The following PTK2 variants were observed in gnomAD, a reference collection of about 807,000 sequenced individuals.
PTK2 encodes the protein focal adhesion kinase 1.
In PTK2, 45 loss-of-function variants were observed where a neutral mutation model predicts 150.1. The observed-to-expected ratio is 0.30, with a 90% CI of 0.24 to 0.38. PTK2 has a LOEUF of 0.38. Among genes scored for constraint, PTK2 ranks in the 10% least tolerant of loss-of-function variants. The pLI is 1.00. For missense variants in PTK2, 919 were observed against 1,307.3 expected, an observed-to-expected ratio of 0.70 and a Z score of 4.58; for synonymous variants, 432 against 449.2, an observed-to-expected ratio of 0.96 and a Z score of 0.48.
exon 4 of PTK2, chr8:140,879,591 G>C (rs1156453284): frequency 6.6e-7 from 1 of 1,505,552 alleles, no homozygotes; most frequent in East Asian, 3.1e-5. Context: ...TCCATAGCAG[G>C]CCACATGCTT....
At chr8:140,799,177 T>G (rs1231607408) in intron 12 of PTK2, 1 of 152,110 alleles carries the variant, frequency 6.6e-6, no homozygotes, top group Non-Finnish European at 1.5e-5. Flanking sequence ...AAATAAAGGG[T>G]CCAATGACTC....
At chr8:140,676,092 A>G (rs1296908645) in intron 27 of PTK2, among the ~76,000 whole-genome samples, 1 of 152,146 alleles carries the variant, frequency 6.6e-6, no homozygotes, top group African/African-American at 2.4e-5. Flanking sequence ...AAAGAATACA[A>G]TTGGCTGGGC....
intron 8 of PTK2, among the ~76,000 whole-genome samples, chr8:140,824,149 A>T (rs377670882): frequency 1.7e-4 from 26 of 152,328 alleles, no homozygotes; most frequent in African/African-American, 6.0e-4. Context: ...TGTGGTGGTA[A>T]AGAACTCAAC....
chr8:140,855,294 T>C (rs1402955402), intron 5 of PTK2, among the ~76,000 whole-genome samples: 2 of 151,752 alleles, frequency 1.3e-5, no homozygotes, highest in African/African-American at 2.4e-5. Context: ...TTTTCTAGAC[T>C]TAAAAAAAAA....
At chr8:140,724,627 A>G (rs1368239803) in intron 22 of PTK2, among the ~76,000 whole-genome samples, 2 of 152,254 alleles carry the variant, frequency 1.3e-5, no homozygotes, top group African/African-American at 4.8e-5. Context: ...GAAAACACCC[A>G]GAGAGAGAAC....
chr8:140,768,347 T>A (rs1052995192), intron 14 of PTK2, among the ~76,000 whole-genome samples: 2 of 152,218 alleles, frequency 1.3e-5, no homozygotes, highest in African/African-American at 4.8e-5. Flanking sequence ...GGCTAATTCA[T>A]AGTATTGAGA....
chr8:140,937,328 A>C (rs1360393004), intron 1 of PTK2, among the ~76,000 whole-genome samples: 1 of 152,184 alleles, frequency 6.6e-6, no homozygotes, highest in African/African-American at 2.4e-5. Context: ...TGTGGTTTTA[A>C]GTATTTCCAC....
intron 3 of PTK2, among the ~76,000 whole-genome samples, chr8:140,882,612 GT>G (rs546492673): frequency 4.6e-5 from 7 of 152,076 alleles, no homozygotes; most frequent in Non-Finnish European, 8.8e-5. Context: ...TCTTTTCAAG[GT>G]TAAAATAAAA....
chr8:140,676,960 AAAAT>A (rs1439041179), intron 27 of PTK2, among the ~76,000 whole-genome samples: 1 of 151,010 alleles, frequency 6.6e-6, no homozygotes, highest in Non-Finnish European at 1.5e-5. Flanking sequence ...AAAAAAAAAA[AAAAT>A]GACTTAATGG....
At chr8:140,797,070 A>G (rs2100092035) in intron 12 of PTK2, among the ~76,000 whole-genome samples, 1 of 152,204 alleles carries the variant, frequency 6.6e-6, no homozygotes, top group Non-Finnish European at 1.5e-5. Flanking sequence ...CAGGAGGCAG[A>G]CAAATGGGCA....
intron 1 of PTK2, among the ~76,000 whole-genome samples, chr8:140,930,200 G>T (rs1038104825): frequency 1.3e-5 from 2 of 152,072 alleles, no homozygotes; most frequent in African/African-American, 4.8e-5. Flanking sequence ...ATAAACCTCG[G>T]AACACCAAAA....
In PTK2 at chr8:140,890,544, C is replaced by T. The variant is rs752213271; in HGVS notation, c.194G>A (p.Arg65Lys). The change falls in exon 3 of 32, where the codon AGG becomes AAG. Residue 65 changes from arginine to lysine, a missense_variant and splice_region_variant. Physicochemically the swap from Arg to Lys is conservative, Grantham distance 26. This residue lies in a region of PTK2 where 555 missense variants were observed against 880.1 expected (regional missense o/e 0.63). Coordinates refer to ENST00000522684, the Ensembl canonical transcript of PTK2. Reference sequence around the variant, plus strand: ...TGTCTCATGGAAAAACGTACTTACCCTGACATCAGTAGCATCTCCATGCCT... The same window carrying T: ...TGTCTCATGGAAAAACGTACTTACCTTGACATCAGTAGCATCTCCATGCCT... The T allele has an allele frequency of 4.2e-5, 68 of 1,612,806 alleles. 1 individual carries two copies. Among genetic ancestry groups the T allele is most frequent in the Non-Finnish European group, 5.0e-5 (59 of 1,179,058 alleles).
chr8:140,945,832 G>A (rs1376740835), intron 1 of PTK2, among the ~76,000 whole-genome samples: 1 of 151,988 alleles, frequency 6.6e-6, no homozygotes, highest in Non-Finnish European at 1.5e-5. Flanking sequence ...GCTTTTTCTG[G>A]CACCATTTTC....
chr8:140,927,975 A>AAAATATATATATATAT, intron 1 of PTK2, among the ~76,000 whole-genome samples: 2 of 48,192 alleles, frequency 4.2e-5, no homozygotes, highest in East Asian at 8.1e-4. Flanking sequence ...AAAAAAAAAA[A>AAAATATATATATATAT]ATATATATAT....
chr8:140,989,108 C>T (rs1052302846), intron 1 of PTK2, among the ~76,000 whole-genome samples: 7 of 147,164 alleles, frequency 4.8e-5, no homozygotes, highest in South Asian at 4.4e-4. Context: ...CTGGGCACAG[C>T]GGCTCACACT....
intron 22 of PTK2, among the ~76,000 whole-genome samples, chr8:140,731,211 C>A (rs912009677): frequency 3.9e-5 from 6 of 152,070 alleles, no homozygotes; most frequent in Non-Finnish European, 7.4e-5. Flanking sequence ...CCACCTGCCT[C>A]GGCCTCCCAA....
chr8:140,902,735 T>C (rs2100159019), intron 2 of PTK2, among the ~76,000 whole-genome samples: 2 of 152,182 alleles, frequency 1.3e-5, no homozygotes, highest in East Asian at 1.9e-4. Flanking sequence ...TTTTCATATG[T>C]TTATTGGCCA....
intron 2 of PTK2, chr8:140,921,173 A>T: frequency 8.6e-7 from 1 of 1,165,884 alleles, no homozygotes; most frequent in South Asian, 3.9e-5. Context: ...GCTACTGAAC[A>T]GAATGAAACC....
At chr8:140,861,623 T>C (rs2100136142) in intron 5 of PTK2, among the ~76,000 whole-genome samples, 1 of 152,204 alleles carries the variant, frequency 6.6e-6, no homozygotes, top group African/African-American at 2.4e-5. Flanking sequence ...AAATTCAAAA[T>C]ATCACTGGGC....
Sources: allele counts gnomAD v4.1 joint callset (sites outside exome capture counted in the v4.1 genomes callset), GRCh38; gene constraint gnomAD v4.1.1; regional missense constraint gnomAD v4.1.1; transcripts MANE v1.5; gene names NCBI Gene and HGNC (gene_info 2026-07-23, HGNC 2026-07-21).